The following RANBP3L variants were observed in gnomAD, a reference collection of about 807,000 sequenced individuals.
RANBP3L encodes the protein RAN binding protein 3 like.
RANBP3L carries 56 observed loss-of-function variants against 67.2 expected under a neutral mutation model. That is an observed-to-expected ratio of 0.83 (90% CI 0.67 to 1.04). RANBP3L has a LOEUF of 1.04. Among genes scored for constraint, RANBP3L ranks in the 50% least tolerant of loss-of-function variants. The pLI is 0.00. For synonymous variants in RANBP3L, 164 were observed against 181.4 expected, an observed-to-expected ratio of 0.90 and a Z score of 0.77; for missense variants, 496 against 535.5, an observed-to-expected ratio of 0.93 and a Z score of 0.73.
At position 36,266,270 on chromosome 5, in the gene RANBP3L, A is replaced by T. The variant is rs895808651; in HGVS notation, c.269-750T>A. ...CCTGAAGAAAGAAGTAAAGATGACA[A>T]ATCTGCTAAGTTATTTTTCTACAAA... is the stretch of plus-strand genomic sequence containing the variant. On this transcript the variant is annotated intron_variant, in intron 4 of 13. Coordinates refer to ENST00000296604, the MANE Select transcript of RANBP3L (RefSeq NM_145000.5). Among the ~76,000 whole-genome samples the T allele has an allele frequency of 2.6e-5, 4 of 152,186 alleles. No homozygotes were observed. In the East Asian group the frequency reaches 7.7e-4, roughly 29 times the overall value.
At chr5:36,270,444 G>T (rs1321022362) in intron 2 of RANBP3L, among the ~76,000 whole-genome samples, 1 of 152,136 alleles carries the variant, frequency 6.6e-6, no homozygotes, top group Non-Finnish European at 1.5e-5. Context: ...TTACCTGCAT[G>T]GGTAAGAATG....
chr5:36,251,533 A>G, intron 12 of RANBP3L, 34 bp from the exon 13 acceptor site: 2 of 1,504,138 alleles, frequency 1.3e-6, no homozygotes, highest in African/African-American at 1.4e-5. Context: ...TAAGAAAATC[A>G]TTAATATGTT....
chr5:36,285,538 A>G (rs749259384), intron 1 of RANBP3L, among the ~76,000 whole-genome samples: 67 of 152,340 alleles, frequency 4.4e-4, no homozygotes, highest in South Asian at 8.3e-4. Flanking sequence ...CATTTCTAAC[A>G]TATGCCTTAT....
chr5:36,273,444 T>C (rs4869475), intron 1 of RANBP3L, among the ~76,000 whole-genome samples: 65,472 of 152,112 alleles, frequency 0.43, 16,076 homozygotes, highest in Non-Finnish European at 0.56. Flanking sequence ...ATCTTTTTTA[T>C]GCAAGCATTG....
chr5:36,269,985 A>C lies in RANBP3L; in HGVS notation c.156T>G (p.Pro52=). The C allele has an allele frequency of 1.2e-6, 2 of 1,613,494 alleles. No homozygotes were observed. The highest frequency in any genetic ancestry group is 1.7e-6 in the Non-Finnish European group (2 of 1,179,342). ...FEKGEQTFKR[P]AEDTLYEAAE... ...CTGCTTCATACAGGGTGTCTTCTGCAGGTCTCTGAAAGGAAACAAAACCAC... is the reference window on the plus strand; with the variant it reads ...CTGCTTCATACAGGGTGTCTTCTGCCGGTCTCTGAAAGGAAACAAAACCAC... The change falls in exon 3 of 14, where the codon CCT becomes CCG. Residue 52 remains proline, a synonymous_variant. Coordinates refer to ENST00000296604, the MANE Select transcript of RANBP3L (RefSeq NM_145000.5).
chr5:36,276,995 G>C (rs1750619377), intron 1 of RANBP3L, among the ~76,000 whole-genome samples: 1 of 152,174 alleles, frequency 6.6e-6, no homozygotes, highest in South Asian at 2.1e-4. Flanking sequence ...GATAGAACCA[G>C]GCTACTCTAG....
intron 6 of RANBP3L, 134 bp downstream of exon 6, chr5:36,264,824 AG>A: frequency 2.8e-6 from 2 of 720,836 alleles, no homozygotes; most frequent in Non-Finnish European, 4.7e-6. Context: ...AAGTTTACCA[AG>A]GGCTTTATGC....
chr5:36,250,564 T>C (rs1248837053), intron 13 of RANBP3L, among the ~76,000 whole-genome samples: 1 of 152,100 alleles, frequency 6.6e-6, no homozygotes, highest in Non-Finnish European at 1.5e-5. Context: ...ATCGTTGTAA[T>C]TGTATTACTC....
At chr5:36,258,439 A>G (rs1749146863) in intron 8 of RANBP3L, among the ~76,000 whole-genome samples, 1 of 152,210 alleles carries the variant, frequency 6.6e-6, no homozygotes. Flanking sequence ...GAAAATAGAA[A>G]CTGAGGCACA....
chr5:36,296,365 G>C (rs1214379152), intron 1 of RANBP3L, among the ~76,000 whole-genome samples: 1 of 152,124 alleles, frequency 6.6e-6, no homozygotes, highest in Non-Finnish European at 1.5e-5. Flanking sequence ...ATTCTGGGTA[G>C]TGTCAGAATT....
intron 2 of RANBP3L, among the ~76,000 whole-genome samples, chr5:36,271,009 A>C (rs747445588): frequency 7.2e-5 from 11 of 152,162 alleles, no homozygotes; most frequent in Non-Finnish European, 1.3e-4. Context: ...AGTTACTCCA[A>C]ATAAAGATAT....
In RANBP3L at chr5:36,247,837, G is replaced by A. The variant is rs989444671; in HGVS notation, c.*1817C>T. Among the ~76,000 whole-genome samples the A allele has an allele frequency of 2.3e-4, 35 of 152,214 alleles. No individual in the cohort carries two copies. Among genetic ancestry groups the A allele is most frequent in the African/African-American group, 8.0e-4 (33 of 41,446 alleles). ...CGGGAGGGGGAGGTTGAAGTGAGCC[G>A]AAATCGTGCCACTGCACTCCAACCT... On this transcript the variant is annotated 3_prime_UTR_variant, in exon 14 of 14. Transcript: ENST00000296604.
At chr5:36,286,412 C>G (rs1199125948) in intron 1 of RANBP3L, among the ~76,000 whole-genome samples, 1 of 152,154 alleles carries the variant, frequency 6.6e-6, no homozygotes, top group Non-Finnish European at 1.5e-5. Context: ...CCTTATCTCT[C>G]AATCACTTCC....
At chr5:36,280,326 C>A (rs1293566832) in intron 1 of RANBP3L, among the ~76,000 whole-genome samples, 1 of 152,178 alleles carries the variant, frequency 6.6e-6, no homozygotes, top group African/African-American at 2.4e-5. Context: ...TCACCCCAAA[C>A]GTAACTCCAA....
chr5:36,257,090 A>C lies in RANBP3L; in HGVS notation c.773-19T>G. 1.3e-6 allele frequency: 2 copies of C among 1,598,502 alleles called. No homozygotes were observed. Among genetic ancestry groups the C allele is most frequent in the South Asian group, 2.3e-5 (2 of 88,630 alleles). Reference sequence around the variant, plus strand: ...TCTGTTCCTAAGAGAAAATGGGGAAAAAACACTTAAAAGTCCCCATTTTCT... The same window carrying C: ...TCTGTTCCTAAGAGAAAATGGGGAACAAACACTTAAAAGTCCCCATTTTCT... On this transcript the variant is annotated intron_variant, in intron 9 of 13. Coordinates refer to ENST00000296604, the MANE Select transcript of RANBP3L (RefSeq NM_145000.5).
intron 8 of RANBP3L, among the ~76,000 whole-genome samples, 162 bp downstream of exon 8, chr5:36,260,618 G>C (rs549183871): frequency 1.3e-5 from 2 of 152,242 alleles, no homozygotes; most frequent in African/African-American, 4.8e-5. Context: ...ACTAGGACAT[G>C]CTTCCCAGGA....
intron 6 of RANBP3L, among the ~76,000 whole-genome samples, chr5:36,262,546 G>A (rs1339081193): frequency 6.6e-6 from 1 of 151,996 alleles, no homozygotes; most frequent in African/African-American, 2.4e-5. Context: ...ATGTACATAT[G>A]TGTATGCACA....
Position 36,252,076 on chromosome 5 carries a change from T to C in RANBP3L, c.1168-577A>G, listed in dbSNP as rs150732681. Among the ~76,000 whole-genome samples, 1,240 of 152,274 alleles carry C rather than the reference T, an allele frequency of 8.1e-3. 11 individuals carry two copies. The highest frequency in any genetic ancestry group is 0.013 in the Non-Finnish European group (860 of 67,982). ...ACATTTACTGTTAAAATATTCTTTT[T>C]TTCAATTCCTTCAGTAAAACTGTGG... On this transcript the variant is annotated intron_variant, in intron 12 of 13. Coordinates refer to ENST00000296604, the MANE Select transcript of RANBP3L (RefSeq NM_145000.5).
intron 10 of RANBP3L, among the ~76,000 whole-genome samples, chr5:36,256,387 G>C (rs1748977187): frequency 6.6e-6 from 1 of 152,072 alleles, no homozygotes; most frequent in Non-Finnish European, 1.5e-5. Context: ...CTGCCTTGTT[G>C]GGAAAGGGTA....
Sources: allele counts gnomAD v4.1 joint callset (sites outside exome capture counted in the v4.1 genomes callset), GRCh38; gene constraint gnomAD v4.1.1; transcripts MANE v1.5; gene names NCBI Gene and HGNC (gene_info 2026-07-23, HGNC 2026-07-21).